The following ZNF407 variants were observed in gnomAD, a reference collection of about 807,000 sequenced individuals.
ZNF407 encodes the protein zinc finger protein 407.
Under a neutral mutation model 131.2 loss-of-function variants are expected in ZNF407, and 17 were observed. That is an observed-to-expected ratio of 0.13 (90% CI 0.09 to 0.19). The LOEUF (loss-of-function observed/expected upper bound fraction) is 0.19. Among genes scored for constraint, ZNF407 ranks in the 10% least tolerant of loss-of-function variants. The pLI, the probability that ZNF407 is intolerant of heterozygous loss-of-function variation, is 1.00. For missense variants in ZNF407, 2,681 were observed against 2,830.6 expected, an observed-to-expected ratio of 0.95 and a Z score of 1.20; for synonymous variants, 1,156 against 1,062.0, an observed-to-expected ratio of 1.09 and a Z score of -1.72.
chr18:74,700,301 C>A (rs1426772214), intron 3 of ZNF407, among the ~76,000 whole-genome samples: 1 of 152,160 alleles, frequency 6.6e-6, no homozygotes, highest in Non-Finnish European at 1.5e-5. Context: ...CTAGATAAAG[C>A]CACCTAACTA....
chr18:74,951,697 G>A (rs1238811137), intron 8 of ZNF407, among the ~76,000 whole-genome samples: 3 of 151,948 alleles, frequency 2.0e-5, no homozygotes, highest in South Asian at 4.1e-4. Flanking sequence ...TTGTATGTAG[G>A]TTTTAATCTA....
intron 3 of ZNF407, among the ~76,000 whole-genome samples, chr18:74,768,774 A>G (rs1025034964): frequency 1.3e-5 from 2 of 152,232 alleles, no homozygotes; most frequent in African/African-American, 4.8e-5. Context: ...TTTATCTTCA[A>G]TAATCCGCAT....
chr18:74,904,865 A>G (rs1264647868), intron 7 of ZNF407, among the ~76,000 whole-genome samples: 1 of 152,210 alleles, frequency 6.6e-6, no homozygotes, highest in Non-Finnish European at 1.5e-5. Context: ...ATGTAAGTTT[A>G]CTGTTAACAT....
At chr18:74,620,065 A>G (rs1320056960) in intron 1 of ZNF407, among the ~76,000 whole-genome samples, 2 of 151,572 alleles carry the variant, frequency 1.3e-5, no homozygotes, top group Non-Finnish European at 2.9e-5. Flanking sequence ...AAATGCCAAT[A>G]AAGCATTGGT....
At chr18:74,871,161 A>C (rs1971081674) in intron 4 of ZNF407, among the ~76,000 whole-genome samples, 1 of 152,188 alleles carries the variant, frequency 6.6e-6, no homozygotes, top group South Asian at 2.1e-4. Context: ...GCCGGTCGGC[A>C]GTGCTCGTCC....
intron 4 of ZNF407, among the ~76,000 whole-genome samples, chr18:74,815,599 C>T (rs1325936953): frequency 6.6e-6 from 1 of 152,152 alleles, no homozygotes; most frequent in Admixed American, 6.5e-5. Flanking sequence ...TTTCTTTTCT[C>T]ACAATACTAA....
At chr18:74,927,159 G>A (rs1375846411) in intron 8 of ZNF407, among the ~76,000 whole-genome samples, 2 of 152,046 alleles carry the variant, frequency 1.3e-5, no homozygotes, top group Admixed American at 6.5e-5. Flanking sequence ...AACAAATCTT[G>A]TTGATACATG....
intron 3 of ZNF407, among the ~76,000 whole-genome samples, chr18:74,673,362 C>G (rs1335887612): frequency 6.6e-6 from 1 of 152,200 alleles, no homozygotes; most frequent in Non-Finnish European, 1.5e-5. Context: ...CTTCCTTGCC[C>G]TTTCCAGCTT....
intron 8 of ZNF407, among the ~76,000 whole-genome samples, chr18:74,947,002 A>T (rs1446729483): frequency 6.6e-6 from 1 of 152,198 alleles, no homozygotes; most frequent in Non-Finnish European, 1.5e-5. Flanking sequence ...TGGTCATTGA[A>T]GTGAGGGTTT....
chr18:74,776,221 G>A (rs1211268577), intron 3 of ZNF407, among the ~76,000 whole-genome samples: 5 of 152,262 alleles, frequency 3.3e-5, no homozygotes, highest in African/African-American at 9.6e-5. Context: ...CATAGAAGAC[G>A]CCCTAAGGGG....
chr18:74,724,578 G>A (rs770125433), intron 3 of ZNF407, among the ~76,000 whole-genome samples: 19 of 151,858 alleles, frequency 1.3e-4, no homozygotes, highest in Non-Finnish European at 1.3e-4. Flanking sequence ...GCACACACAC[G>A]TGAAATATAT....
chr18:75,024,515 A>G (rs1464730073), intron 8 of ZNF407, among the ~76,000 whole-genome samples: 1 of 152,242 alleles, frequency 6.6e-6, no homozygotes, highest in Non-Finnish European at 1.5e-5. Context: ...TCATTTTCAA[A>G]TGTGCTATCC....
intron 4 of ZNF407, among the ~76,000 whole-genome samples, chr18:74,872,609 T>C (rs1971102693): frequency 1.3e-5 from 2 of 151,846 alleles, no homozygotes; most frequent in African/African-American, 4.8e-5. Flanking sequence ...TACAAAAAAT[T>C]AGCCAGGCGT....
chr18:75,040,359 G>A lies in ZNF407; in HGVS notation c.5429-22791G>A, dbSNP rs889377052. 1.5e-4 allele frequency among the ~76,000 whole-genome samples: 23 copies of A among 152,200 alleles called. No homozygotes were observed. The South Asian group carries it at 4.8e-3, about 32-fold the overall frequency. On this transcript the variant is annotated intron_variant, in intron 8 of 8. Transcript: ENST00000299687. ...AACGAGAACTTTATTTCAATTGAGT[G>A]GCTACGGGTTGATTCCCCATGTTTA...
chr18:74,815,008 C>G (rs1970248529), intron 4 of ZNF407, among the ~76,000 whole-genome samples: 1 of 151,406 alleles, frequency 6.6e-6, no homozygotes, highest in Admixed American at 6.6e-5. Flanking sequence ...TGTAAAATTA[C>G]ATTATAAAAT....
At chr18:74,647,115 T>C (rs1213918912) in intron 3 of ZNF407, among the ~76,000 whole-genome samples, 3 of 152,138 alleles carry the variant, frequency 2.0e-5, no homozygotes, top group East Asian at 1.9e-4. Context: ...TCTTCTTCTT[T>C]TTTTTTTAAA....
chr18:74,885,150 T>C (rs1009361092), intron 6 of ZNF407, among the ~76,000 whole-genome samples: 8 of 152,186 alleles, frequency 5.3e-5, no homozygotes, highest in African/African-American at 1.7e-4. Context: ...TAAGTCTTAT[T>C]ATACAGCAAC....
intron 7 of ZNF407, among the ~76,000 whole-genome samples, chr18:74,915,411 G>C (rs1168376825): frequency 6.7e-6 from 1 of 149,062 alleles, no homozygotes; most frequent in Non-Finnish European, 1.5e-5. Flanking sequence ...AGGAGTGTGT[G>C]TGTGTGTGTG....
At chr18:74,895,158 T>C (rs1971436893) in intron 7 of ZNF407, among the ~76,000 whole-genome samples, 1 of 152,078 alleles carries the variant, frequency 6.6e-6, no homozygotes. Context: ...ATGGCCGATA[T>C]AGCTCTTAAC....
Sources: gnomAD v4.1 joint callset for allele counts (sites outside exome capture counted in the v4.1 genomes callset) on GRCh38, gnomAD v4.1.1 for gene constraint, MANE v1.5 for transcripts, NCBI Gene and HGNC (gene_info 2026-07-23, HGNC 2026-07-21) for gene names.